WDFY4: variants seen among roughly 807,000 people sequenced by gnomAD.
The protein encoded by WDFY4 is WDFY family member 4.
In WDFY4, 169 loss-of-function variants were observed where a neutral mutation model predicts 351.9. The ratio of observed to expected loss-of-function variants is 0.48; its 90% CI spans 0.42 to 0.55. WDFY4 has a LOEUF of 0.55. Ranked by LOEUF, WDFY4 falls within the 20% of genes least tolerant of loss-of-function variation. The pLI is 0.00. For missense variants in WDFY4, 3,803 were observed against 3,935.6 expected (o/e 0.97, Z 0.90); for synonymous variants, 1,622 against 1,574.6 (o/e 1.03, Z -0.71).
At chr10:48,761,636 T>C (rs1410901549) in intron 13 of WDFY4, among the ~76,000 whole-genome samples, 2 of 152,180 alleles carry the variant, frequency 1.3e-5, no homozygotes, top group African/African-American at 2.4e-5. Flanking sequence ...GAAGGAAAAC[T>C]GGTATGGGTG....
At chr10:48,912,107 T>C (rs12777295) in intron 47 of WDFY4, among the ~76,000 whole-genome samples, 20,770 of 152,236 alleles carry the variant, frequency 0.14, 1,582 homozygotes, top group Middle Eastern at 0.22. Flanking sequence ...TTTACCCACA[T>C]GAAGGTGTGA....
chr10:48,705,116 G>A (rs1327977903), intron 1 of WDFY4, among the ~76,000 whole-genome samples: 2 of 152,174 alleles, frequency 1.3e-5, no homozygotes, highest in Admixed American at 6.5e-5. Flanking sequence ...GAATCCCCAG[G>A]AGCCAAGGTC....
Position 48,981,486 on chromosome 10 carries a change from C to T in WDFY4, c.9488+8C>T, listed in dbSNP as rs912808341. ...TGCTCTGGCCGTGTCCAGGTAAGCG[C>T]GGCCTTGTTTCTCTGGGTCTCCAGC... On this transcript the variant is annotated splice_region_variant and intron_variant, in intron 61 of 61. Transcript: ENST00000325239. 16 of 1,551,162 alleles carry T rather than the reference C, an allele frequency of 1.0e-5. No individual in the cohort carries two copies. The highest frequency in any genetic ancestry group is 3.6e-5 in the South Asian group (3 of 84,056).
At chr10:48,935,536 A>G (rs1840302826) in intron 47 of WDFY4, among the ~76,000 whole-genome samples, 1 of 152,232 alleles carries the variant, frequency 6.6e-6, no homozygotes, top group Non-Finnish European at 1.5e-5. Flanking sequence ...TTTCACTTTA[A>G]TAGCATTCAT....
chr10:48,774,400 A>T, intron 13 of WDFY4, 58 bp from the exon 14 acceptor site: 2 of 1,533,754 alleles, frequency 1.3e-6, no homozygotes, highest in South Asian at 1.2e-5. Flanking sequence ...AGCCTATAAA[A>T]GCTGTCCACA....
chr10:48,978,749 T>A (rs762825641), intron 60 of WDFY4: 2 of 184,542 alleles, frequency 1.1e-5, no homozygotes, highest in Non-Finnish European at 2.2e-5. Context: ...CATTACCTCC[T>A]CCAGCTCAGT....
chr10:48,857,570 T>C (rs571118949), intron 39 of WDFY4, among the ~76,000 whole-genome samples: 4 of 152,174 alleles, frequency 2.6e-5, no homozygotes, highest in Admixed American at 6.6e-5. Flanking sequence ...TCCCTAGAAA[T>C]TTATTGACCA....
rs1015798255 is a variant in WDFY4 at position 48,803,465 on chromosome 10, G to T, written c.4484+106G>T. 79 of 1,094,062 alleles carry T rather than the reference G, an allele frequency of 7.2e-5. No homozygotes were observed. The African/African-American group carries it at 1.2e-3, about 16-fold the overall frequency. 67.8% of individuals were successfully genotyped at this position (1,094,062 alleles called of 1,614,324 possible). A position where few individuals can be genotyped will look rare whatever the true frequency, so the allele number is the denominator to read the frequency against. Reference sequence around the variant, plus strand: ...CTCTTCCCTGCTCCCAGAACACTGGGTCCCCAAATGGGAGCACATCCTTCC... The same window carrying T: ...CTCTTCCCTGCTCCCAGAACACTGGTTCCCCAAATGGGAGCACATCCTTCC... On this transcript the variant is annotated intron_variant, in intron 25 of 61. Transcript: ENST00000325239.
chr10:48,936,522 G>A (rs1287930566), intron 47 of WDFY4, among the ~76,000 whole-genome samples: 2 of 152,042 alleles, frequency 1.3e-5, no homozygotes, highest in Non-Finnish European at 2.9e-5. Context: ...TAAAATATAG[G>A]TATGTAAAAC....
intron 47 of WDFY4, among the ~76,000 whole-genome samples, chr10:48,925,401 G>A (rs1043004311): frequency 1.6e-4 from 24 of 152,166 alleles, no homozygotes; most frequent in East Asian, 1.9e-4. Context: ...TGGGCAGGCC[G>A]CTGAAATCAG....
chr10:48,687,443 T>G (rs907087564), intron 1 of WDFY4, among the ~76,000 whole-genome samples: 1 of 152,174 alleles, frequency 6.6e-6, no homozygotes, highest in Non-Finnish European at 1.5e-5. Context: ...AAAATTATTC[T>G]CATATTATTT....
intron 2 of WDFY4, among the ~76,000 whole-genome samples, chr10:48,718,665 C>T (rs761263691): frequency 2.6e-5 from 4 of 152,242 alleles, no homozygotes; most frequent in Middle Eastern, 3.2e-3. Context: ...CTAGGGCAGT[C>T]CCTCCACTCT....
At chr10:48,869,243 G>T (rs1168054829) in intron 40 of WDFY4, among the ~76,000 whole-genome samples, 1 of 152,194 alleles carries the variant, frequency 6.6e-6, no homozygotes, top group Non-Finnish European at 1.5e-5. Flanking sequence ...ACTCTGGACA[G>T]AGATTAGGCT....
At chr10:48,858,926 T>C (rs920732300) in intron 39 of WDFY4, among the ~76,000 whole-genome samples, 13 of 152,218 alleles carry the variant, frequency 8.5e-5, no homozygotes, top group Admixed American at 8.5e-4. Context: ...ATGTGTTTTA[T>C]TAGATTTACA....
In WDFY4 at chr10:48,902,190, G is replaced by A. The variant is rs981301087; in HGVS notation, c.7586+327G>A. Among the ~76,000 whole-genome samples the A allele has an allele frequency of 3.9e-5, 6 of 152,372 alleles. 1 individual carries two copies. The South Asian group carries it at 8.3e-4, about 21-fold the overall frequency. ...GCCTTGGAGGTCAGGCCCTCCCATGGGGGTGTGTGAGCAATCCCATGCTGT... is the reference window on the plus strand; with the variant it reads ...GCCTTGGAGGTCAGGCCCTCCCATGAGGGTGTGTGAGCAATCCCATGCTGT... On this transcript the variant is annotated intron_variant, in intron 47 of 61. Transcript: ENST00000325239.
At chr10:48,880,102 C>T (rs2070186192) in intron 43 of WDFY4, among the ~76,000 whole-genome samples, 1 of 152,198 alleles carries the variant, frequency 6.6e-6, no homozygotes. Context: ...GGCTGCTGCC[C>T]CCCAGGGCAG....
intron 51 of WDFY4, among the ~76,000 whole-genome samples, chr10:48,949,440 G>A (rs1841211988): frequency 6.6e-6 from 1 of 152,202 alleles, no homozygotes; most frequent in African/African-American, 2.4e-5. Flanking sequence ...TGGGGCCTTG[G>A]CAGACCTCCT....
At chr10:48,787,887 T>TCTC (rs2066490033) in intron 20 of WDFY4, among the ~76,000 whole-genome samples, 1 of 78,716 alleles carries the variant, frequency 1.3e-5, no homozygotes, top group African/African-American at 8.8e-5. Context: ...TCTTTCTTCT[T>TCTC]CTTCTCCTTC....
chr10:48,787,897 CTTCTTCTTCTTCTTCTTCTT>C (rs2066499793), intron 20 of WDFY4, among the ~76,000 whole-genome samples: 6 of 26,082 alleles, frequency 2.3e-4, no homozygotes, highest in African/African-American at 5.4e-4. Flanking sequence ...TCTTCTCCTT[CTTCTTCTTCTTCTTCTTCTT>C]CTTCTTCTTC....
Sources: gnomAD v4.1 joint callset for allele counts (sites outside exome capture counted in the v4.1 genomes callset) on GRCh38, gnomAD v4.1.1 for gene constraint, MANE v1.5 for transcripts, NCBI Gene and HGNC (gene_info 2026-07-23, HGNC 2026-07-21) for gene names.